ZNF462: variants seen among roughly 807,000 people sequenced by gnomAD.
ZNF462 encodes the protein zinc finger PBX1-interacting protein.
ZNF462 carries 10 observed loss-of-function variants against 201.9 expected under a neutral mutation model. The ratio of observed to expected loss-of-function variants is 0.05; its 90% CI spans 0.03 to 0.08. The LOEUF (loss-of-function observed/expected upper bound fraction) is 0.08. Among genes scored for constraint, ZNF462 ranks in the 10% least tolerant of loss-of-function variants. The pLI is 1.00. For synonymous variants in ZNF462, 1,227 were observed against 1,193.3 expected (o/e 1.03, Z -0.58); for missense variants, 2,523 against 3,168.3 (o/e 0.80, Z 4.89).
Position 106,929,452 on chromosome 9 carries a change from G to C in ZNF462, c.5540G>C (p.Arg1847Pro). 1 of 1,614,058 alleles carries C rather than the reference G, an allele frequency of 6.2e-7. No homozygotes were observed. The change falls in exon 3 of 13, where the codon CGC becomes CCC. Residue 1847 changes from arginine (R) to proline (P), a missense_variant. This residue lies in a region of ZNF462 where 207 missense variants were observed against 231.6 expected (regional missense o/e 0.89). Coordinates refer to ENST00000277225, the MANE Select transcript of ZNF462 (RefSeq NM_021224.6). The surrounding 1 kb of genome is among the most constrained non-coding windows in gnomAD (Gnocchi z 8.7). ...EAQEIEWLPF[R>P]CIKCFKLSFS... Reference sequence around the variant, plus strand: ...CAGGAAATCGAGTGGCTCCCATTCCGCTGCATCAAATGCTTCAAGCTGTCC... The same window carrying C: ...CAGGAAATCGAGTGGCTCCCATTCCCCTGCATCAAATGCTTCAAGCTGTCC...
In ZNF462 at chr9:107,000,179, A is replaced by G. The variant is rs918467829; in HGVS notation, c.7057-3115A>G. Among the ~76,000 whole-genome samples the G allele has an allele frequency of 2.0e-5, 3 of 152,036 alleles. No homozygotes were observed. In the East Asian group the frequency reaches 5.8e-4, roughly 29 times the overall value. The stretch of plus-strand genomic sequence containing the variant: ...GGCATAGACTCCTCGAGGGCCTGAC[A>G]TATTCCAGGACCTCAGTAAGTTCAG... On this transcript the variant is annotated intron_variant, in intron 10 of 12. Coordinates refer to ENST00000277225, the MANE Select transcript of ZNF462 (RefSeq NM_021224.6).
Position 106,963,254 on chromosome 9 carries a change from G to A in ZNF462, c.6428-8751G>A, listed in dbSNP as rs556105368. Among the ~76,000 whole-genome samples the A allele has an allele frequency of 6.6e-6, 1 of 152,166 alleles. No individual in the cohort carries two copies. Among genetic ancestry groups the A allele is most frequent in the South Asian group, 2.1e-4 (1 of 4,822 alleles). On this transcript the variant is annotated intron_variant, in intron 7 of 12. Transcript: ENST00000277225. The surrounding 1 kb of genome is among the most constrained non-coding windows in gnomAD (Gnocchi z 4.7). The stretch of plus-strand genomic sequence containing the variant: ...GGTACAAAGGAATTCGGATAGAACC[G>A]AGAACAATTTTTTAAATCAGCAGAC...
Position 106,923,369 on chromosome 9 carries a change from G to A in ZNF462, c.-15G>A. The A allele has an allele frequency of 6.2e-7, 1 of 1,613,764 alleles. No individual in the cohort carries two copies. Among genetic ancestry groups the A allele is most frequent in the Non-Finnish European group, 8.5e-7 (1 of 1,179,890 alleles). ...TCTGCCACAGGTTCCTAATGTGAGAGGCTAGACCCAGATCATGGAGGTGCT... is the reference window on the plus strand; with the variant it reads ...TCTGCCACAGGTTCCTAATGTGAGAAGCTAGACCCAGATCATGGAGGTGCT... On this transcript the variant is annotated 5_prime_UTR_variant, in exon 2 of 13. Coordinates refer to ENST00000277225, the MANE Select transcript of ZNF462 (RefSeq NM_021224.6). This position sits in a 1 kb window ranked among gnomAD's most constrained non-coding sequence, Gnocchi z 5.6.
chr9:106,983,053 A>G (rs1376674443), intron 9 of ZNF462, among the ~76,000 whole-genome samples: 6 of 152,252 alleles, frequency 3.9e-5, no homozygotes, highest in Non-Finnish European at 8.8e-5. Flanking sequence ...TCTGAAATCC[A>G]GACACAGCAT....
At chr9:106,864,676 C>T (rs910250247) in intron 1 of ZNF462, among the ~76,000 whole-genome samples, 1 of 151,476 alleles carries the variant, frequency 6.6e-6, no homozygotes, top group Admixed American at 6.6e-5. Flanking sequence ...CTTTTATATT[C>T]CTCCCCAACC....
intron 1 of ZNF462, among the ~76,000 whole-genome samples, chr9:106,922,312 C>T (rs1830023744): frequency 6.6e-6 from 1 of 152,180 alleles, no homozygotes; most frequent in Non-Finnish European, 1.5e-5. Flanking sequence ...AGGACTCCAC[C>T]TTTCTAATAC....
At chr9:106,911,318 C>T (rs1829541171) in intron 1 of ZNF462, among the ~76,000 whole-genome samples, 1 of 152,146 alleles carries the variant, frequency 6.6e-6, no homozygotes, top group Non-Finnish European at 1.5e-5. Context: ...GCTATTATTG[C>T]ATTCATCCAG....
chr9:106,943,956 C>G (rs1404603837), intron 7 of ZNF462, among the ~76,000 whole-genome samples: 1 of 152,054 alleles, frequency 6.6e-6, no homozygotes, highest in Non-Finnish European at 1.5e-5. Flanking sequence ...ATTACTCTGC[C>G]AAGATAAAAA....
At chr9:106,979,353 C>A (rs1226714722) in intron 9 of ZNF462, 3 of 151,560 alleles carry the variant, frequency 2.0e-5, no homozygotes, top group Non-Finnish European at 4.4e-5. Context: ...TATAGGGTAG[C>A]CCTTTACTAC....
At position 107,003,480 on chromosome 9, in the gene ZNF462, G is replaced by A. The variant is rs1195552546; in HGVS notation, c.7189+54G>A. On this transcript the variant is annotated intron_variant, in intron 11 of 12. Transcript: ENST00000277225. The surrounding 1 kb of genome is among the most constrained non-coding windows in gnomAD (Gnocchi z 4.4). ...AGATGGCATCTGGCATGTCCGTAGT[G>A]AGACAGAAGGGAGGCAGGAGGTTGT... is the stretch of plus-strand genomic sequence containing the variant. The A allele has an allele frequency of 1.9e-6, 3 of 1,595,618 alleles. No homozygotes were observed. The highest frequency in any genetic ancestry group is 1.3e-5 in the African/African-American group (1 of 74,338).
chr9:106,870,754 G>A lies in ZNF462; in HGVS notation c.-31+7399G>A, dbSNP rs1480033080. 1.3e-5 allele frequency among the ~76,000 whole-genome samples: 2 copies of A among 152,168 alleles called. No homozygotes were observed. The highest frequency in any genetic ancestry group is 4.8e-5 in the African/African-American group (2 of 41,442). On this transcript the variant is annotated intron_variant, in intron 1 of 12. Transcript: ENST00000277225. The surrounding 1 kb of genome is among the most constrained non-coding windows in gnomAD (Gnocchi z 4.3). ...CACAAAAGGAGCTGTAGGCCCAGGT[G>A]AGACAACTGTGTCAGAAGTAATAAA...
At chr9:106,971,853 T>C in intron 7 of ZNF462, 152 bp from the exon 8 acceptor site, 1 of 914,634 alleles carries the variant, frequency 1.1e-6, no homozygotes, top group Non-Finnish European at 1.6e-6. Context: ...CAAATCATCA[T>C]CTTGTACACC....
chr9:106,938,854 C>G lies in ZNF462; in HGVS notation c.6236-62C>G. Reference sequence around the variant, plus strand: ...TTAACTGAGTTATCTTGTTTCCACCCTGGCCTTATACCCTTCTCCCCTCTT... The same window carrying G: ...TTAACTGAGTTATCTTGTTTCCACCGTGGCCTTATACCCTTCTCCCCTCTT... On this transcript the variant is annotated intron_variant, in intron 6 of 12. Coordinates refer to ENST00000277225, the MANE Select transcript of ZNF462 (RefSeq NM_021224.6). This position sits in a 1 kb window ranked among gnomAD's most constrained non-coding sequence, Gnocchi z 4.4. 6.7e-7 allele frequency: 1 copy of G among 1,488,054 alleles called. No individual in the cohort carries two copies. The highest frequency in any genetic ancestry group is 9.0e-7 in the Non-Finnish European group (1 of 1,105,914). The allele number at this position is 1,488,054 out of a possible 1,614,324, so 92.2% of individuals were successfully genotyped here.
Position 106,913,693 on chromosome 9 carries a change from G to T in ZNF462, c.-30-9661G>T, listed in dbSNP as rs910276533. On this transcript the variant is annotated intron_variant, in intron 1 of 12. Transcript: ENST00000277225. This position sits in a 1 kb window ranked among gnomAD's most constrained non-coding sequence, Gnocchi z 4.1. ...ACTCACTGCAACCTCTGTCTCCCAG[G>T]CTCAAACAGTTTTCCTGCCTCAGCC... 1.4e-5 allele frequency among the ~76,000 whole-genome samples: 2 copies of T among 139,416 alleles called. No homozygotes were observed. Among genetic ancestry groups the T allele is most frequent in the Non-Finnish European group, 3.3e-5 (2 of 60,554 alleles). The allele number at this position is 139,416 out of a possible 152,430, so 91.5% of individuals were successfully genotyped here.
chr9:106,971,086 C>T (rs941210932), intron 7 of ZNF462, among the ~76,000 whole-genome samples: 50 of 152,080 alleles, frequency 3.3e-4, no homozygotes, highest in African/African-American at 1.0e-3. Context: ...TCCAGGAGAA[C>T]GCTATTGGAT....
intron 10 of ZNF462, among the ~76,000 whole-genome samples, chr9:106,987,660 A>G (rs1203240195): frequency 6.6e-6 from 1 of 152,116 alleles, no homozygotes; most frequent in Non-Finnish European, 1.5e-5. Context: ...AAAGCTCTTT[A>G]GTTTAAGTAA....
Position 106,954,923 on chromosome 9 carries a change from A to G in ZNF462, c.6427+15816A>G, listed in dbSNP as rs1226606247. Reference sequence around the variant, plus strand: ...ATGAATATAAGGCTGCTTCCTTCCTAGAGTAGATGTCCTGTAAATGTAAAA... The same window carrying G: ...ATGAATATAAGGCTGCTTCCTTCCTGGAGTAGATGTCCTGTAAATGTAAAA... On this transcript the variant is annotated intron_variant, in intron 7 of 12. Transcript: ENST00000277225. The surrounding 1 kb of genome is among the most constrained non-coding windows in gnomAD (Gnocchi z 4.0). 2.0e-5 allele frequency among the ~76,000 whole-genome samples: 3 copies of G among 152,112 alleles called. No individual in the cohort carries two copies. Among genetic ancestry groups the G allele is most frequent in the Non-Finnish European group, 4.4e-5 (3 of 68,022 alleles).
intron 9 of ZNF462, among the ~76,000 whole-genome samples, chr9:106,983,146 T>C (rs1827573836): frequency 6.6e-6 from 1 of 152,230 alleles, no homozygotes; most frequent in South Asian, 2.1e-4. Flanking sequence ...GCGTGTGCGC[T>C]GATACTCTGG....
chr9:106,987,009 A>G (rs190953208), intron 10 of ZNF462, among the ~76,000 whole-genome samples: 15 of 151,966 alleles, frequency 9.9e-5, no homozygotes, highest in African/African-American at 3.6e-4. Flanking sequence ...AGATAGATAG[A>G]TAGATAGATA....
Sources: gnomAD v4.1 joint callset for allele counts (sites outside exome capture counted in the v4.1 genomes callset) on GRCh38, gnomAD v4.1.1 for gene constraint, gnomAD v4.1.1 regional missense constraint, Gnocchi (gnomAD v3.1) non-coding constraint, MANE v1.5 for transcripts, NCBI Gene and HGNC (gene_info 2026-07-23, HGNC 2026-07-21) for gene names.